SCRG1: variants seen among roughly 807,000 people sequenced by gnomAD.
The protein encoded by SCRG1 is scrapie-responsive protein 1.
A neutral mutation model predicts 7.7 loss-of-function variants in SCRG1; 3 were observed. The observed-to-expected ratio is 0.39, with a 90% confidence interval of 0.18 to 1.01. The LOEUF (loss-of-function observed/expected upper bound fraction) is 1.01. Among genes scored for constraint, SCRG1 ranks in the 50% least tolerant of loss-of-function variants. The pLI, the probability that SCRG1 is intolerant of heterozygous loss-of-function variation, is 0.36. For missense variants in SCRG1, 110 were observed against 117.2 expected (o/e 0.94, Z 0.28); for synonymous variants, 46 against 41.2 (o/e 1.12, Z -0.44).
the SCRG1 span, among the ~76,000 whole-genome samples, chr4:173,499,370 T>C: frequency 3.3e-5 from 5 of 152,220 alleles, no homozygotes; most frequent in African/African-American, 1.2e-4. The surrounding 1 kb of genome is among the most constrained non-coding windows in gnomAD (Gnocchi z 4.1). Flanking sequence ...CACTGTCCTC[T>C]GCCTCTCTCT....
chr4:173,486,981 T>A, the SCRG1 span, among the ~76,000 whole-genome samples: 3 of 152,284 alleles, frequency 2.0e-5, no homozygotes, highest in South Asian at 2.1e-4. Context: ...TTCTGAAAGA[T>A]GAAATTATCA....
the SCRG1 span, among the ~76,000 whole-genome samples, chr4:173,484,094 C>CATTTATA: frequency 2.3e-5 from 1 of 42,794 alleles, no homozygotes; most frequent in Non-Finnish European, 4.2e-5. Context: ...TATAATATAC[C>CATTTATA]ATATATAATA....
the SCRG1 span, among the ~76,000 whole-genome samples, chr4:173,417,128 A>G: frequency 6.6e-6 from 1 of 151,728 alleles, no homozygotes; most frequent in Non-Finnish European, 1.5e-5. Flanking sequence ...ACACACAGAC[A>G]GAGAGACACA....
chr4:173,447,456 T>G, the SCRG1 span, among the ~76,000 whole-genome samples: 1 of 152,354 alleles, frequency 6.6e-6, no homozygotes, highest in Admixed American at 6.5e-5. Flanking sequence ...TCAGTGGTAT[T>G]GTTATTAATG....
upstream of SCRG1, among the ~76,000 whole-genome samples, chr4:173,403,691 C>A (rs148716632): frequency 6.6e-4 from 101 of 152,136 alleles, no homozygotes; most frequent in African/African-American, 2.2e-3. Context: ...TAAACTTTGG[C>A]AAGAAAAGAG....
At chr4:173,484,800 T>C in the SCRG1 span, among the ~76,000 whole-genome samples, 60 of 91,692 alleles carry the variant, frequency 6.5e-4, no homozygotes, top group Admixed American at 2.3e-3. Context: ...ACATATTATA[T>C]ATTATATATT....
the SCRG1 span, among the ~76,000 whole-genome samples, chr4:173,463,522 C>G: frequency 6.6e-6 from 1 of 152,070 alleles, no homozygotes; most frequent in African/African-American, 2.4e-5. Flanking sequence ...GATCTGCCCA[C>G]CTTGGTTTTT....
the SCRG1 span, among the ~76,000 whole-genome samples, chr4:173,483,838 AAT>A: frequency 2.2e-4 from 3 of 13,594 alleles, 1 homozygote; most frequent in East Asian, 0.012. Flanking sequence ...TATAATATAT[AAT>A]ATATAATATA....
the SCRG1 span, among the ~76,000 whole-genome samples, chr4:173,416,085 A>G: frequency 1.3e-5 from 2 of 152,232 alleles, no homozygotes; most frequent in Admixed American, 6.5e-5. Flanking sequence ...CGCAGTGTAG[A>G]TGAGCCAGGG....
At chr4:173,484,678 TAA>T in the SCRG1 span, among the ~76,000 whole-genome samples, 282 of 96,834 alleles carry the variant, frequency 2.9e-3, 4 homozygotes, top group African/African-American at 0.012. Context: ...ACATGATGTA[TAA>T]TATATATTAT....
the SCRG1 span, among the ~76,000 whole-genome samples, chr4:173,458,764 C>G: frequency 6.6e-6 from 1 of 151,948 alleles, no homozygotes; most frequent in Non-Finnish European, 1.5e-5. Context: ...ATCAATAATA[C>G]CTTGAACATA....
the SCRG1 span, among the ~76,000 whole-genome samples, chr4:173,438,042 T>C: frequency 6.6e-6 from 1 of 152,228 alleles, no homozygotes; most frequent in African/African-American, 2.4e-5. Flanking sequence ...ATTGTGGTTG[T>C]GTAGCTTCAG....
chr4:173,486,656 T>C, the SCRG1 span, among the ~76,000 whole-genome samples: 2 of 152,330 alleles, frequency 1.3e-5, no homozygotes, highest in Admixed American at 1.3e-4. Context: ...TTCTTCTTCT[T>C]CTTCTTTTCC....
At chr4:173,497,650 C>CA in the SCRG1 span, among the ~76,000 whole-genome samples, 2,097 of 103,814 alleles carry the variant, frequency 0.02, 66 homozygotes, top group African/African-American at 0.052. Context: ...AGCAAGCAAG[C>CA]AAAAAAAAAA....
the SCRG1 span, among the ~76,000 whole-genome samples, chr4:173,483,377 T>TATTATATATTATATCATGA: frequency 7.4e-4 from 12 of 16,150 alleles, 3 homozygotes; most frequent in African/African-American, 1.5e-3. Flanking sequence ...TAATATTATA[T>TATTATATATTATATCATGA]TATATATTAT....
the SCRG1 span, among the ~76,000 whole-genome samples, chr4:173,461,268 A>T: frequency 6.6e-6 from 1 of 152,176 alleles, no homozygotes; most frequent in Admixed American, 6.5e-5. Context: ...CTTGGGTGAG[A>T]CCCAGCACTG....
chr4:173,404,021 T>C (rs1394631309), upstream of SCRG1: 6 of 152,646 alleles, frequency 3.9e-5, no homozygotes, highest in Non-Finnish European at 7.3e-5. Flanking sequence ...CATTGCCAAG[T>C]GTGCTAAACA....
At chr4:173,510,446 A>G in the SCRG1 span, among the ~76,000 whole-genome samples, 83,342 of 151,110 alleles carry the variant, frequency 0.55, 24,948 homozygotes, top group Non-Finnish European at 0.68. This position sits in a 1 kb window ranked among gnomAD's most constrained non-coding sequence, Gnocchi z 5.7. Flanking sequence ...ATATATATAT[A>G]AATTAACGCA....
the SCRG1 span, among the ~76,000 whole-genome samples, chr4:173,417,816 G>A: frequency 2.6e-5 from 4 of 152,096 alleles, no homozygotes; most frequent in South Asian, 4.1e-4. Context: ...TTCTTGTTCC[G>A]CAGATGAACA....
Sources: gnomAD v4.1 joint callset for allele counts (sites outside exome capture counted in the v4.1 genomes callset) on GRCh38, gnomAD v4.1.1 for gene constraint, Gnocchi (gnomAD v3.1) non-coding constraint, MANE v1.5 for transcripts, NCBI Gene and HGNC (gene_info 2026-07-23, HGNC 2026-07-21) for gene names.